Variants in PRKCH observed in about 807,000 individuals in gnomAD.
PRKCH encodes protein kinase C eta type.
PRKCH carries 28 observed loss-of-function variants against 82.5 expected under a neutral mutation model. The ratio of observed to expected loss-of-function variants is 0.34; its 90% CI spans 0.25 to 0.47. The LOEUF is 0.47. PRKCH is among the 20% of genes least tolerant of loss of function. The pLI, the probability that PRKCH is intolerant of heterozygous loss-of-function variation, is 1.00. For synonymous variants in PRKCH, 322 were observed against 327.4 expected (o/e 0.98, Z 0.18); for missense variants, 705 against 881.8 (o/e 0.80, Z 2.54).
rs749846112 is a variant in PRKCH, at chr14:61,549,692, G to T, written c.1913G>T (p.Arg638Leu). The stretch of plus-strand genomic sequence containing the variant: ...CCCTTTTTTTTTTGGCAGAAATCCC[G>T]AGAAGATGTCAGTAATTTTGACCCT... ...EPPFRPRIKS[R>L]EDVSNFDPDF... The change falls in exon 14 of 14, where the codon CGA becomes CTA. Residue 638 changes from arginine to leucine, a missense_variant. Arg to Leu is a moderately radical substitution (Grantham distance 102). Around this residue, in one of 5 missense-constraint regions of PRKCH, gnomAD observed 91 missense variants for 81.2 expected, o/e 1.12. Transcript: ENST00000332981. The T allele has an allele frequency of 6.2e-7, 1 of 1,608,822 alleles. No homozygotes were observed. Among genetic ancestry groups the T allele is most frequent in the Admixed American group, 1.7e-5 (1 of 59,028 alleles).
Position 61,547,724 on chromosome 14 carries a change from TTC to T in PRKCH, c.1762-8_1762-7del, listed in dbSNP as rs753144278. The T allele has an allele frequency of 8.7e-6, 14 of 1,605,944 alleles. No individual in the cohort carries two copies. The highest frequency in any genetic ancestry group is 2.2e-5 in the East Asian group (1 of 44,620). Reference sequence around the variant, plus strand: ...TGTATGTGAATGAATGATTGACACTTTCTCTCTCTCTCACTCAGTTCATGACC... The same window carrying T: ...TGTATGTGAATGAATGATTGACACTTTCTCTCTCTCACTCAGTTCATGACC... On this transcript the variant is annotated splice_polypyrimidine_tract_variant and intron_variant, in intron 12 of 13. Transcript: ENST00000332981.
At chr14:61,540,765 C>T (rs560062966) in intron 12 of PRKCH, among the ~76,000 whole-genome samples, 1 of 152,190 alleles carries the variant, frequency 6.6e-6, no homozygotes, top group Non-Finnish European at 1.5e-5. Flanking sequence ...TGGTCCATTG[C>T]CATGAGTGTG....
At chr14:61,446,318 C>T (rs1286365525) in intron 4 of PRKCH, among the ~76,000 whole-genome samples, 1 of 152,204 alleles carries the variant, frequency 6.6e-6, no homozygotes, top group African/African-American at 2.4e-5. Flanking sequence ...AATACAATGG[C>T]AGGAATGGAA....
chr14:61,247,240 A>G (rs552684886), intron 1 of PRKCH, among the ~76,000 whole-genome samples: 1 of 152,200 alleles, frequency 6.6e-6, no homozygotes, highest in South Asian at 2.1e-4. Context: ...GTGTCCCCTT[A>G]AAGCAAAGTT....
chr14:61,260,825 G>A (rs186668109), intron 1 of PRKCH, among the ~76,000 whole-genome samples: 90 of 152,180 alleles, frequency 5.9e-4, no homozygotes, highest in African/African-American at 2.4e-4. Flanking sequence ...ATCACAAAAC[G>A]TGAAATGAAA....
rs1183533967 is a variant in PRKCH, at chr14:61,279,942, A to AG, written c.-19+92280dup. On this transcript the variant is annotated intron_variant, in intron 1 of 3. Transcript: ENST00000555185. ...ACAGTCTAGCAGCCCCCCAAGAGCA[A>AG]GGGGGGTAATTCCCTTATCTGGTCC... 8.9e-6 allele frequency: 6 copies of AG among 675,752 alleles called. No individual in the cohort carries two copies. In the East Asian group the frequency reaches 1.4e-4, roughly 16 times the overall value. The allele number at this position is 675,752 out of a possible 1,614,324, so 41.9% of individuals were successfully genotyped here.
intron 10 of PRKCH, among the ~76,000 whole-genome samples, chr14:61,512,692 T>G (rs1429199571): frequency 1.3e-5 from 2 of 152,194 alleles, no homozygotes; most frequent in Non-Finnish European, 2.9e-5. Context: ...CTTTTAATTT[T>G]ACACAAGATA....
At chr14:61,204,043 A>G (rs1197948919) in intron 1 of PRKCH, among the ~76,000 whole-genome samples, 1 of 151,990 alleles carries the variant, frequency 6.6e-6, no homozygotes. Flanking sequence ...CCCCAAGCTA[A>G]AGATGAGTAA....
intron 1 of PRKCH, among the ~76,000 whole-genome samples, chr14:61,271,609 G>A (rs1031657089): frequency 1.3e-5 from 2 of 152,216 alleles, no homozygotes; most frequent in Non-Finnish European, 2.9e-5. Flanking sequence ...TGCTGCCTTA[G>A]ACTAGTTATT....
chr14:61,426,249 T>C (rs13379301), intron 2 of PRKCH, among the ~76,000 whole-genome samples: 87,644 of 152,098 alleles, frequency 0.58, 27,105 homozygotes, highest in Non-Finnish European at 0.7. Context: ...CATTTACATG[T>C]CGCTGCTTGT....
intron 9 of PRKCH, among the ~76,000 whole-genome samples, chr14:61,461,517 G>A (rs1309599779): frequency 1.3e-5 from 2 of 152,176 alleles, no homozygotes; most frequent in Admixed American, 6.5e-5. Context: ...GGTTTCCTAT[G>A]ACATGAGGTT....
At chr14:61,189,755 C>G (rs139909130) in intron 1 of PRKCH, among the ~76,000 whole-genome samples, 23 of 144,546 alleles carry the variant, frequency 1.6e-4, no homozygotes, top group Admixed American at 2.8e-4. Flanking sequence ...TTTTTTTTTT[C>G]CTCTCTCATC....
rs1214035415 is a variant in PRKCH at position 61,449,319 on chromosome 14, TCTCC to T, written c.702+80_702+83del. The T allele has an allele frequency of 4.8e-4, 640 of 1,328,194 alleles. 7 individuals are homozygous for T. Among genetic ancestry groups the T allele is most frequent in the South Asian group, 4.3e-3 (356 of 82,656 alleles). The allele number at this position is 1,328,194 out of a possible 1,614,324, so 82.3% of individuals were successfully genotyped here. On this transcript the variant is annotated intron_variant, in intron 5 of 13. Transcript: ENST00000332981. Reference sequence around the variant, plus strand: ...TGTGTATGCTGTGTACCGCCGTCTCTCTCCCTCCCTCCCTCCTTTCCTCCCCCTC... The same window carrying T: ...TGTGTATGCTGTGTACCGCCGTCTCTCTCCCTCCCTCCTTTCCTCCCCCTC...
At chr14:61,438,611 G>A (rs1443318668) in intron 2 of PRKCH, among the ~76,000 whole-genome samples, 1 of 152,186 alleles carries the variant, frequency 6.6e-6, no homozygotes, top group Non-Finnish European at 1.5e-5. Flanking sequence ...TTGAGTTAAA[G>A]TTACAACAGT....
chr14:61,527,465 A>C (rs898723506), intron 10 of PRKCH, among the ~76,000 whole-genome samples: 36 of 152,226 alleles, frequency 2.4e-4, no homozygotes, highest in South Asian at 8.3e-4. Flanking sequence ...TTTTGCTTTC[A>C]CCGAAGCCCT....
intron 9 of PRKCH, among the ~76,000 whole-genome samples, chr14:61,463,569 G>A (rs531651440): frequency 6.6e-6 from 1 of 152,184 alleles, no homozygotes; most frequent in South Asian, 2.1e-4. Flanking sequence ...AATAGTTTGT[G>A]ACTAATTTGA....
intron 10 of PRKCH, among the ~76,000 whole-genome samples, chr14:61,485,960 G>T (rs75712088): frequency 0.011 from 1,698 of 152,156 alleles, 27 homozygotes; most frequent in African/African-American, 0.038. Context: ...AGAGACAGGG[G>T]TCTTGCAATG....
At chr14:61,376,042 A>T (rs1366683897) in intron 1 of PRKCH, among the ~76,000 whole-genome samples, 1 of 151,586 alleles carries the variant, frequency 6.6e-6, no homozygotes, top group Non-Finnish European at 1.5e-5. Context: ...AAAGCTCATA[A>T]ATACATTAAG....
intron 10 of PRKCH, among the ~76,000 whole-genome samples, chr14:61,508,057 A>T (rs2139966876): frequency 6.6e-6 from 1 of 152,248 alleles, no homozygotes; most frequent in East Asian, 1.9e-4. Context: ...AGTTGCATAC[A>T]TTAAGTATCT....
Sources: allele counts gnomAD v4.1 joint callset (sites outside exome capture counted in the v4.1 genomes callset), GRCh38; gene constraint gnomAD v4.1.1; regional missense constraint gnomAD v4.1.1; transcripts MANE v1.5; gene names NCBI Gene and HGNC (gene_info 2026-07-23, HGNC 2026-07-21).